Variants in ZNF462 observed in about 807,000 individuals in gnomAD.
The protein encoded by ZNF462 is zinc finger protein 462.
A neutral mutation model predicts 201.9 loss-of-function variants in ZNF462; 10 were observed. The ratio of observed to expected loss-of-function variants is 0.05; its 90% confidence interval spans 0.03 to 0.08. ZNF462 has a LOEUF of 0.08. Ranked by LOEUF, ZNF462 falls within the 10% of genes least tolerant of loss-of-function variation. ZNF462 has a pLI of 1.00. For synonymous variants in ZNF462, 1,227 were observed against 1,193.3 expected (o/e 1.03, Z -0.58); for missense variants, 2,523 against 3,168.3 (o/e 0.80, Z 4.89).
At chr9:106,887,564 G>A (rs1308975632) in intron 1 of ZNF462, among the ~76,000 whole-genome samples, 2 of 152,036 alleles carry the variant, frequency 1.3e-5, no homozygotes, top group Admixed American at 6.5e-5. Flanking sequence ...CAGAGAAGTC[G>A]AATCCAAGAA....
Position 106,977,515 on chromosome 9 carries a change from A to T in ZNF462, c.6832+3242A>T, listed in dbSNP as rs1827098872. On this transcript the variant is annotated intron_variant, in intron 9 of 12. Coordinates refer to ENST00000277225, the MANE Select transcript of ZNF462 (RefSeq NM_021224.6). This position sits in a 1 kb window ranked among gnomAD's most constrained non-coding sequence, Gnocchi z 4.6. ...TCATGGGAAATCTGAATATGAACTA[A>T]TCAGGGATTTATGTTGGCCACAGCA... 1.3e-5 allele frequency among the ~76,000 whole-genome samples: 2 copies of T among 151,616 alleles called. No homozygotes were observed. The highest frequency in any genetic ancestry group is 2.9e-5 in the Non-Finnish European group (2 of 68,040).
At chr9:106,897,348 G>A (rs907915321) in intron 1 of ZNF462, among the ~76,000 whole-genome samples, 1 of 152,076 alleles carries the variant, frequency 6.6e-6, no homozygotes, top group African/African-American at 2.4e-5. Flanking sequence ...CTTAGTACAG[G>A]TTTTGGTATG....
rs140294463 is a variant in ZNF462, at chr9:106,930,275, C to T, written c.5848-250C>T. On this transcript the variant is annotated intron_variant, in intron 3 of 12. Transcript: ENST00000277225. The surrounding 1 kb of genome is among the most constrained non-coding windows in gnomAD (Gnocchi z 5.8). The stretch of plus-strand genomic sequence containing the variant: ...AAACCAGATGACTTAGTGGCAGTGA[C>T]GATGAGCTTCTGCACAGAAATCTTC... 2.6e-5 allele frequency among the ~76,000 whole-genome samples: 4 copies of T among 152,216 alleles called. No homozygotes were observed. Among genetic ancestry groups the T allele is most frequent in the South Asian group, 2.1e-4 (1 of 4,812 alleles).
At chr9:106,990,788 T>C (rs985966115) in intron 10 of ZNF462, among the ~76,000 whole-genome samples, 1 of 152,006 alleles carries the variant, frequency 6.6e-6, no homozygotes, top group Non-Finnish European at 1.5e-5. Context: ...TTTCTCATTT[T>C]CTAATCTTTT....
In ZNF462 at chr9:106,924,499, C is replaced by A. The variant is rs370249991; in HGVS notation, c.587C>A (p.Pro196Gln). 1.9e-6 allele frequency: 3 copies of A among 1,614,042 alleles called. No homozygotes were observed. The highest frequency in any genetic ancestry group is 4.5e-5 in the East Asian group (2 of 44,890). The change falls in exon 3 of 13, where the codon CCA becomes CAA. Residue 196 changes from proline to glutamine, a missense_variant. Physicochemically the swap from Pro to Gln is moderately conservative, Grantham distance 76 (BLOSUM62 -1). Transcript: ENST00000277225. The surrounding 1 kb of genome is among the most constrained non-coding windows in gnomAD (Gnocchi z 6.2). ...AATTTGAAGGAGACCACTGCTCCCCCACCTGCTCCTGCTCCAATGCCAGAC... is the reference window on the plus strand; with the variant it reads ...AATTTGAAGGAGACCACTGCTCCCCAACCTGCTCCTGCTCCAATGCCAGAC... ...KNNLKETTAP[P>Q]PAPAPMPDPV...
At position 106,924,321 on chromosome 9, in the gene ZNF462, G is replaced by C; in HGVS notation, c.409G>C (p.Gly137Arg). 2 of 1,614,166 alleles carry C rather than the reference G, an allele frequency of 1.2e-6. No homozygotes were observed. Among genetic ancestry groups the C allele is most frequent in the Non-Finnish European group, 1.7e-6 (2 of 1,180,038 alleles). Residue 137 changes from glycine (G) to arginine (R), a missense_variant, in exon 3 of 13, where the codon GGG becomes CGG. Transcript: ENST00000277225. The surrounding 1 kb of genome is among the most constrained non-coding windows in gnomAD (Gnocchi z 6.2). The part of the protein sequence containing the change: ...TRKVHGAQAE[G>R]SSSGPPVPGS... ...AAAGGTCCATGGAGCTCAAGCTGAA[G>C]GGAGTTCATCAGGACCCCCTGTCCC...
rs1377409800 is a variant in ZNF462 at position 106,876,131 on chromosome 9, G to T, written c.-31+12776G>T. On this transcript the variant is annotated intron_variant, in intron 1 of 12. Coordinates refer to ENST00000277225, the MANE Select transcript of ZNF462 (RefSeq NM_021224.6). This position sits in a 1 kb window ranked among gnomAD's most constrained non-coding sequence, Gnocchi z 4.9. Reference sequence around the variant, plus strand: ...ACTCTTTGGGGCCACACAAGCTGAGGCTGAAATTTGTCTCTGTCCATTACT... The same window carrying T: ...ACTCTTTGGGGCCACACAAGCTGAGTCTGAAATTTGTCTCTGTCCATTACT... Among the ~76,000 whole-genome samples, 1 of 152,178 alleles carries T rather than the reference G, an allele frequency of 6.6e-6. No individual in the cohort carries two copies. Among genetic ancestry groups the T allele is most frequent in the Non-Finnish European group, 1.5e-5 (1 of 68,022 alleles).
intron 1 of ZNF462, among the ~76,000 whole-genome samples, chr9:106,891,791 G>A (rs1290176926): frequency 6.6e-6 from 1 of 152,088 alleles, no homozygotes; most frequent in Non-Finnish European, 1.5e-5. Flanking sequence ...CTCTGGATGG[G>A]TTCCCATTGT....
chr9:106,912,511 T>A (rs1196063150), intron 1 of ZNF462, among the ~76,000 whole-genome samples: 1 of 152,248 alleles, frequency 6.6e-6, no homozygotes. Context: ...GACTCATTAC[T>A]GAGAATATAC....
rs1306384833 is a variant in ZNF462, at chr9:106,920,283, T to C, written c.-30-3071T>C. ...CTTCCCCTCCACTTGCTGTCACTTT[T>C]TGCACATGTGCCCATGTACCATCTC... On this transcript the variant is annotated intron_variant, in intron 1 of 12. Coordinates refer to ENST00000277225, the MANE Select transcript of ZNF462 (RefSeq NM_021224.6). This position sits in a 1 kb window ranked among gnomAD's most constrained non-coding sequence, Gnocchi z 4.3. 6.6e-6 allele frequency among the ~76,000 whole-genome samples: 1 copy of C among 152,228 alleles called. No homozygotes were observed. Among genetic ancestry groups the C allele is most frequent in the Non-Finnish European group, 1.5e-5 (1 of 68,040 alleles).
rs1334564307 is a variant in ZNF462, at chr9:106,933,778, G to A, written c.6116+1229G>A. 2.0e-5 allele frequency among the ~76,000 whole-genome samples: 3 copies of A among 152,180 alleles called. No individual in the cohort carries two copies. The highest frequency in any genetic ancestry group is 7.2e-5 in the African/African-American group (3 of 41,440). On this transcript the variant is annotated intron_variant, in intron 5 of 12. Coordinates refer to ENST00000277225, the MANE Select transcript of ZNF462 (RefSeq NM_021224.6). The surrounding 1 kb of genome is among the most constrained non-coding windows in gnomAD (Gnocchi z 4.3). ...TCAGGAAGGTTTTATGGCATAAGGAGCATTTGGGTGAAGTCTTAAAGTAGG... is the reference window on the plus strand; with the variant it reads ...TCAGGAAGGTTTTATGGCATAAGGAACATTTGGGTGAAGTCTTAAAGTAGG...
At chr9:106,891,741 A>AAGT (rs1243920826) in intron 1 of ZNF462, among the ~76,000 whole-genome samples, 1 of 152,140 alleles carries the variant, frequency 6.6e-6, no homozygotes, top group Non-Finnish European at 1.5e-5. Context: ...TATTTATCTG[A>AAGT]AGTAGCTTAG....
In ZNF462 at chr9:107,009,020, G is replaced by A. The variant is rs1829761542; in HGVS notation, c.7190-525G>A. On this transcript the variant is annotated intron_variant, in intron 11 of 12. Coordinates refer to ENST00000277225, the MANE Select transcript of ZNF462 (RefSeq NM_021224.6). This position sits in a 1 kb window ranked among gnomAD's most constrained non-coding sequence, Gnocchi z 6.1. ...GTAAGGTATTGATTATAATGTCTAT[G>A]ATGGATGACCACAAGTCATGAGCCT... Among the ~76,000 whole-genome samples, 1 of 152,158 alleles carries A rather than the reference G, an allele frequency of 6.6e-6. No homozygotes were observed. The highest frequency in any genetic ancestry group is 1.5e-5 in the Non-Finnish European group (1 of 68,028).
intron 10 of ZNF462, chr9:106,995,554 T>C (rs1828641246): frequency 6.6e-6 from 1 of 152,162 alleles, no homozygotes; most frequent in Non-Finnish European, 1.5e-5. Context: ...GCTTGAGCTG[T>C]GTCATGTGGA....
Position 106,950,962 on chromosome 9 carries a change from C to T in ZNF462, c.6427+11855C>T, listed in dbSNP as rs775642482. 1.4e-4 allele frequency among the ~76,000 whole-genome samples: 22 copies of T among 151,974 alleles called. No homozygotes were observed. The highest frequency in any genetic ancestry group is 2.8e-4 in the Non-Finnish European group (19 of 67,982). ...AAAATTAGCCAGGCTTGGTGGCGAG[C>T]GCCTGTAATTCCAGCCACTCCGGAG... On this transcript the variant is annotated intron_variant, in intron 7 of 12. Coordinates refer to ENST00000277225, the MANE Select transcript of ZNF462 (RefSeq NM_021224.6). The surrounding 1 kb of genome is among the most constrained non-coding windows in gnomAD (Gnocchi z 4.1).
chr9:107,011,036 T>C lies in ZNF462; in HGVS notation c.*6T>C. ...CAGAGGCCAAAAAAGAATGAGCGTTTGGTGAAATTCTTAATCAAACCTTAC... is the reference window on the plus strand; with the variant it reads ...CAGAGGCCAAAAAAGAATGAGCGTTCGGTGAAATTCTTAATCAAACCTTAC... On this transcript the variant is annotated 3_prime_UTR_variant, in exon 13 of 13. Transcript: ENST00000277225. The surrounding 1 kb of genome is among the most constrained non-coding windows in gnomAD (Gnocchi z 5.6). 6.2e-7 allele frequency: 1 copy of C among 1,612,362 alleles called. No individual in the cohort carries two copies. The highest frequency in any genetic ancestry group is 8.5e-7 in the Non-Finnish European group (1 of 1,179,716).
chr9:106,982,167 C>A (rs1260116212), intron 9 of ZNF462, among the ~76,000 whole-genome samples: 1 of 152,206 alleles, frequency 6.6e-6, no homozygotes, highest in East Asian at 1.9e-4. Context: ...GAGTGCCTTA[C>A]CCAGCGTAGT....
At chr9:106,874,739 C>G (rs1357754313) in intron 1 of ZNF462, among the ~76,000 whole-genome samples, 1 of 152,142 alleles carries the variant, frequency 6.6e-6, no homozygotes, top group Admixed American at 6.5e-5. Context: ...GGCTTTGCCT[C>G]CAATTAGCAA....
At chr9:106,979,566 G>A (rs183791035) in intron 9 of ZNF462, 11 of 151,570 alleles carry the variant, frequency 7.3e-5, no homozygotes, top group Non-Finnish European at 1.2e-4. Flanking sequence ...TTGGGCAGCT[G>A]GAGGAGAAAG....
Sources: allele counts gnomAD v4.1 joint callset (sites outside exome capture counted in the v4.1 genomes callset), GRCh38; gene constraint gnomAD v4.1.1; non-coding constraint Gnocchi (gnomAD v3.1); transcripts MANE v1.5; gene names NCBI Gene and HGNC (gene_info 2026-07-23, HGNC 2026-07-21).